The following PDK2 variants were observed in gnomAD, a reference collection of about 807,000 sequenced individuals.
PDK2 encodes pyruvate dehydrogenase kinase, isozyme 2.
Under a neutral mutation model 50.4 loss-of-function variants are expected in PDK2, and 34 were observed. The observed-to-expected ratio is 0.68, with a 90% confidence interval of 0.51 to 0.90. PDK2 has a LOEUF of 0.90. Among genes scored for constraint, PDK2 ranks in the 40% least tolerant of loss-of-function variants. The pLI is 0.00. For missense variants in PDK2, 377 were observed against 544.5 expected (o/e 0.69, Z 3.06); for synonymous variants, 232 against 216.0 (o/e 1.07, Z -0.65).
At chr17:50,095,706 C>A (rs1030106371) in intron 1 of PDK2, 153 bp downstream of exon 1, 48 of 1,429,770 alleles carry the variant, frequency 3.4e-5, no homozygotes, top group Non-Finnish European at 4.0e-5. Context: ...AATGGGGAAG[C>A]AGGAACCGGC....
rs759797419 is a variant in PDK2 at position 50,105,487 on chromosome 17, G to C, written c.332+45G>C. ...GGGGCAGGAAGGCAGGTGTTGGCCA[G>C]GGGCATCTGGGGTTGCAGCCCCTGG... On this transcript the variant is annotated intron_variant, in intron 3 of 10. Coordinates refer to ENST00000503176, the MANE Select transcript of PDK2 (RefSeq NM_002611.5). 8 of 1,526,444 alleles carry C rather than the reference G, an allele frequency of 5.2e-6. No homozygotes were observed. In the South Asian group the frequency reaches 8.0e-5, roughly 15 times the overall value. The allele number at this position is 1,526,444 out of a possible 1,614,324, so 94.6% of individuals were successfully genotyped here. A position where few individuals can be genotyped will look rare whatever the true frequency, so the allele number is the denominator to read the frequency against.
Position 50,095,518 on chromosome 17 carries a change from C to T in PDK2, c.83C>T (p.Pro28Leu). The T allele has an allele frequency of 6.2e-7, 1 of 1,606,966 alleles. No individual in the cohort carries two copies. The highest frequency in any genetic ancestry group is 8.5e-7 in the Non-Finnish European group (1 of 1,176,894). The change falls in exon 1 of 11, where the codon CCG becomes CTG. Residue 28 changes from proline (P) to leucine (L), a missense_variant. Physicochemically the swap from Pro to Leu is moderately conservative, Grantham distance 98. Around this residue, in one of 3 missense-constraint regions of PDK2, gnomAD observed 100 missense variants for 115.5 expected, o/e 0.87. Coordinates refer to ENST00000503176, the MANE Select transcript of PDK2 (RefSeq NM_002611.5). Reference protein sequence around the residue: ...KYIEHFSKFSPSPLSMKQFLD... With the variant: ...KYIEHFSKFSLSPLSMKQFLD... The stretch of plus-strand genomic sequence containing the variant: ...ATAGAGCACTTCAGCAAGTTCTCCC[C>T]GTCCCCGCTGTCCATGAAGCAGTTT...
chr17:50,106,592 G>C, intron 4 of PDK2: 1 of 600,466 alleles, frequency 1.7e-6, no homozygotes, highest in South Asian at 2.1e-5. Flanking sequence ...GTTTGCAAAG[G>C]TTTAAAAACG....
At chr17:50,102,345 G>T (rs572902122) in intron 2 of PDK2, among the ~76,000 whole-genome samples, 1 of 152,340 alleles carries the variant, frequency 6.6e-6, no homozygotes, top group Non-Finnish European at 1.5e-5. Flanking sequence ...ACGTGACCAG[G>T]CCCCATTCCT....
At chr17:50,107,599 GTGAA>G (rs1239318673) in intron 6 of PDK2, among the ~76,000 whole-genome samples, 1 of 152,156 alleles carries the variant, frequency 6.6e-6, no homozygotes, top group Non-Finnish European at 1.5e-5. Flanking sequence ...AAGAAATTGA[GTGAA>G]TGAATGAATG....
chr17:50,097,181 A>G (rs1909994206), intron 1 of PDK2, among the ~76,000 whole-genome samples: 1 of 152,144 alleles, frequency 6.6e-6, no homozygotes, highest in Admixed American at 6.5e-5. Flanking sequence ...GGCCCTGTCC[A>G]CTGTGGTTAA....
chr17:50,108,809 G>A, intron 9 of PDK2, 90 bp downstream of exon 9: 1 of 803,320 alleles, frequency 1.2e-6, no homozygotes, highest in Non-Finnish European at 2.1e-6. Context: ...CTCAGCTTCT[G>A]TGTGGCCGTC....
In PDK2 at chr17:50,106,020, C is replaced by T. The variant is rs1910492270; in HGVS notation, c.468C>T (p.Asp156=). 7 of 1,609,514 alleles carry T rather than the reference C, an allele frequency of 4.3e-6. No homozygotes were observed. In the East Asian group the frequency reaches 8.9e-5, roughly 21 times the overall value. The change falls in exon 4 of 11, where the codon GAC becomes GAT. Residue 156 remains aspartate, a synonymous_variant. Coordinates refer to ENST00000503176, the MANE Select transcript of PDK2 (RefSeq NM_002611.5). ...ACCAGAACATCCAGTACTTCCTGGACCGCTTCTACCTCAGCCGCATCTCCA... is the reference window on the plus strand; with the variant it reads ...ACCAGAACATCCAGTACTTCCTGGATCGCTTCTACCTCAGCCGCATCTCCA... ...VSNQNIQYFL[D]RFYLSRISIR... is the part of the protein sequence containing the mutation.
chr17:50,095,643 G>A (rs1416306507), intron 1 of PDK2, 90 bp downstream of exon 1: 2 of 1,492,660 alleles, frequency 1.3e-6, no homozygotes, highest in Non-Finnish European at 9.0e-7. Flanking sequence ...GGAGAAGAAA[G>A]GCCCCGAGTG....
chr17:50,096,377 G>A (rs1289666945), intron 1 of PDK2: 2 of 803,702 alleles, frequency 2.5e-6, no homozygotes, highest in Non-Finnish European at 3.0e-6. Context: ...GCATTGTGTG[G>A]GCCCTGTCTG....
chr17:50,106,978 T>C, intron 5 of PDK2, 95 bp downstream of exon 5: 2 of 1,463,198 alleles, frequency 1.4e-6, no homozygotes, highest in Non-Finnish European at 1.9e-6. Flanking sequence ...CAGTAAGGGG[T>C]GCCATGGATT....
chr17:50,110,395 G>A lies in PDK2; in HGVS notation c.*298G>A, dbSNP rs529256915. The A allele has an allele frequency of 1.2e-5, 3 of 256,632 alleles. No individual in the cohort carries two copies. In the South Asian group the frequency reaches 3.8e-4, roughly 32 times the overall value. 15.9% of individuals were successfully genotyped at this position (256,632 alleles called of 1,614,324 possible). On this transcript the variant is annotated 3_prime_UTR_variant, in exon 11 of 11. Transcript: ENST00000503176. ...TTCCCATGGCAGTCCTCCTCTCTGA[G>A]ACCAGGGCTGTCACTTTTCTGCCAG...
At chr17:50,095,052 G>A (rs943064731), upstream of PDK2, among the ~76,000 whole-genome samples, 12 of 152,272 alleles carry the variant, frequency 7.9e-5, no homozygotes, top group Admixed American at 2.0e-4. Context: ...GCGTGGAAGA[G>A]GAAGCGAAAG....
chr17:50,095,768 G>A, intron 1 of PDK2: 5 of 1,390,490 alleles, frequency 3.6e-6, no homozygotes, highest in Non-Finnish European at 3.7e-6. Context: ...TTACAAGGAC[G>A]GTCCCGAGGT....
chr17:50,104,760 T>G (rs1910416856), intron 2 of PDK2, among the ~76,000 whole-genome samples: 1 of 152,156 alleles, frequency 6.6e-6, no homozygotes, highest in Admixed American at 6.5e-5. Flanking sequence ...CCACCCCACC[T>G]TTGGGTCCTT....
intron 6 of PDK2, 65 bp from the exon 7 acceptor site, chr17:50,108,091 G>A: frequency 7.3e-7 from 1 of 1,369,642 alleles, no homozygotes; most frequent in East Asian, 2.5e-5. Context: ...GCCTCCTTTG[G>A]GTAAGGTGGT....
At position 50,106,779 on chromosome 17, in the gene PDK2, C is replaced by T; in HGVS notation, c.518-15C>T. ...CTGCAGCCCAGCCAACAGCATCCTC[C>T]CTTCCTGCCTGCAGCCCTCATCTTT... On this transcript the variant is annotated splice_polypyrimidine_tract_variant and intron_variant, in intron 4 of 10. Transcript: ENST00000503176. 6.2e-7 allele frequency: 1 copy of T among 1,611,324 alleles called. No individual in the cohort carries two copies. The highest frequency in any genetic ancestry group is 8.5e-7 in the Non-Finnish European group (1 of 1,177,474).
Position 50,097,549 on chromosome 17 carries a change from A to T in PDK2, c.245A>T (p.Gln82Leu). The T allele has an allele frequency of 6.2e-7, 1 of 1,613,370 alleles. No individual in the cohort carries two copies. The part of the protein sequence containing the change: ...PDRVLSTPSV[Q>L]LVQSWYVQSL... The stretch of plus-strand genomic sequence containing the variant: ...CGAGTGCTGAGCACACCCTCCGTGC[A>T]GCTGGTGCAGAGCTGGTGAGACCCC... Residue 82 changes from glutamine (Q) to leucine (L), a missense_variant, in exon 2 of 11, where the codon CAG becomes CTG. Around this residue, in one of 3 missense-constraint regions of PDK2, gnomAD observed 100 missense variants for 115.5 expected, o/e 0.87. Coordinates refer to ENST00000503176, the MANE Select transcript of PDK2 (RefSeq NM_002611.5).
intron 1 of PDK2, 139 bp downstream of exon 1, chr17:50,095,692 A>T (rs1336310739): frequency 6.9e-7 from 1 of 1,443,246 alleles, no homozygotes; most frequent in African/African-American, 1.5e-5. Flanking sequence ...GGCAGGAAAG[A>T]GTTAATGGGG....
Sources: allele counts gnomAD v4.1 joint callset (sites outside exome capture counted in the v4.1 genomes callset), GRCh38; gene constraint gnomAD v4.1.1; regional missense constraint gnomAD v4.1.1; transcripts MANE v1.5; gene names NCBI Gene and HGNC (gene_info 2026-07-23, HGNC 2026-07-21).